Variants in ADNP2 observed in about 807,000 individuals in gnomAD.
The protein encoded by ADNP2 is activity-dependent neuroprotector homeobox protein 2.
ADNP2 carries 8 observed loss-of-function variants against 16.4 expected under a neutral mutation model. The ratio of observed to expected loss-of-function variants is 0.49; its 90% CI spans 0.29 to 0.88. ADNP2 has a LOEUF of 0.88. Among genes scored for constraint, ADNP2 ranks in the 40% least tolerant of loss-of-function variants. The probability of loss-of-function intolerance (pLI) is 0.09; values close to 1 mark genes in which losing one functional copy is unlikely to be tolerated. For synonymous variants in ADNP2, 637 were observed against 545.8 expected, an observed-to-expected ratio of 1.17 and a Z score of -2.33; for missense variants, 1,397 against 1,395.1, an observed-to-expected ratio of 1.00 and a Z score of -0.02.
intron 2 of ADNP2, among the ~76,000 whole-genome samples, chr18:80,120,884 G>C (rs1044670968): frequency 6.6e-6 from 1 of 152,068 alleles, no homozygotes; most frequent in Admixed American, 6.6e-5. Flanking sequence ...CGATCTGTTG[G>C]TGGACACTTG....
intron 1 of ADNP2, among the ~76,000 whole-genome samples, chr18:80,112,861 T>G (rs1458329691): frequency 6.6e-6 from 1 of 152,232 alleles, no homozygotes; most frequent in East Asian, 1.9e-4. Context: ...GCAGTAAATT[T>G]AGCTTCCCTG....
At chr18:80,124,554 A>G (rs1436801397) in intron 2 of ADNP2, among the ~76,000 whole-genome samples, 2 of 152,234 alleles carry the variant, frequency 1.3e-5, no homozygotes, top group Admixed American at 6.5e-5. Flanking sequence ...TCAACCCTCC[A>G]GGAACCTCCA....
chr18:80,129,915 G>C (rs1308343450), intron 2 of ADNP2, among the ~76,000 whole-genome samples: 4 of 152,170 alleles, frequency 2.6e-5, no homozygotes, highest in African/African-American at 9.7e-5. Context: ...GTAAACTCTT[G>C]TTTTACTCAG....
chr18:80,135,134 G>A (rs888208545), intron 3 of ADNP2, among the ~76,000 whole-genome samples: 1 of 152,156 alleles, frequency 6.6e-6, no homozygotes, highest in Non-Finnish European at 1.5e-5. Flanking sequence ...TTATATTTGT[G>A]GTTTTAGTGG....
chr18:80,111,726 G>T (rs2052358653), intron 1 of ADNP2, among the ~76,000 whole-genome samples: 1 of 151,926 alleles, frequency 6.6e-6, no homozygotes, highest in Admixed American at 6.6e-5. Flanking sequence ...GTAATTTTTA[G>T]TAGAGACAGG....
At chr18:80,119,915 C>T (rs953352889) in intron 2 of ADNP2, among the ~76,000 whole-genome samples, 3 of 152,192 alleles carry the variant, frequency 2.0e-5, no homozygotes, top group Admixed American at 2.0e-4. Flanking sequence ...CCACCTCCCC[C>T]CCAACCCCCA....
At chr18:80,111,829 G>A (rs1020560100) in intron 1 of ADNP2, among the ~76,000 whole-genome samples, 4 of 152,084 alleles carry the variant, frequency 2.6e-5, no homozygotes, top group Non-Finnish European at 5.9e-5. Context: ...ACAGGTGTGA[G>A]CCGTTGCACC....
chr18:80,126,154 C>T (rs1192337542), intron 2 of ADNP2, among the ~76,000 whole-genome samples: 1 of 151,984 alleles, frequency 6.6e-6, no homozygotes, highest in East Asian at 1.9e-4. Flanking sequence ...GGCTTATTAG[C>T]TATACATCTT....
chr18:80,129,699 A>G (rs940825578), intron 2 of ADNP2, among the ~76,000 whole-genome samples: 5 of 152,210 alleles, frequency 3.3e-5, no homozygotes, highest in Non-Finnish European at 7.3e-5. Flanking sequence ...GTGTCACTTC[A>G]GGGACCCCAG....
Position 80,137,558 on chromosome 18 carries a change from G to A in ADNP2, c.2145G>A (p.Ala715=), listed in dbSNP as rs117499189. The A allele has an allele frequency of 3.5e-4, 558 of 1,614,244 alleles. 7 individuals are homozygous for A. The East Asian group carries it at 8.5e-3, about 25-fold the overall frequency. The change falls in exon 4 of 4, where the codon GCG becomes GCA. Residue 715 remains alanine (A), a synonymous_variant. Coordinates refer to ENST00000262198, the MANE Select transcript of ADNP2 (RefSeq NM_014913.4). The surrounding 1 kb of genome is among the most constrained non-coding windows in gnomAD (Gnocchi z 4.2). ...TCTACCAGGTCCACATGGAGGTAGC[G>A]CATAAGCACAGCGAGTCCAAGTCTG... ...SNVYQVHMEV[A]HKHSESKSGE...
rs374826932 is a variant in ADNP2, at chr18:80,137,444, C to T, written c.2031C>T (p.Ser677=). The part of the protein sequence containing the change: ...NAAQSVFVQA[S]SSAADTNQVL... ...CTCAGAGCGTGTTTGTTCAGGCCTCCTCCTCTGCAGCAGACACAAACCAGG... is the reference window on the plus strand; with the variant it reads ...CTCAGAGCGTGTTTGTTCAGGCCTCTTCCTCTGCAGCAGACACAAACCAGG... The change falls in exon 4 of 4, where the codon TCC becomes TCT. Residue 677 remains serine, a synonymous_variant. Transcript: ENST00000262198. The surrounding 1 kb of genome is among the most constrained non-coding windows in gnomAD (Gnocchi z 4.2). The T allele has an allele frequency of 2.7e-5, 43 of 1,614,098 alleles. No homozygotes were observed. Among genetic ancestry groups the T allele is most frequent in the Middle Eastern group, 1.6e-4 (1 of 6,084 alleles).
Position 80,135,724 on chromosome 18 carries a change from T to C in ADNP2, c.311T>C (p.Leu104Pro). The change falls in exon 4 of 4, where the codon CTG becomes CCG. Residue 104 changes from leucine (L) to proline (P), a missense_variant. Physicochemically the swap from Leu to Pro is moderately conservative, Grantham distance 98. Around this residue, in one of 3 missense-constraint regions of ADNP2, gnomAD observed 777 missense variants for 719.4 expected, o/e 1.08. Coordinates refer to ENST00000262198, the MANE Select transcript of ADNP2 (RefSeq NM_014913.4). ...RYHEDEIDQE[L>P]VIPCPNCVFA... is the part of the protein sequence containing the mutation. ...CATGAAGATGAAATTGACCAAGAGC[T>C]GGTGATCCCTTGCCCAAACTGTGTA... 3 of 1,614,216 alleles carry C rather than the reference T, an allele frequency of 1.9e-6. No individual in the cohort carries two copies. The highest frequency in any genetic ancestry group is 1.1e-5 in the South Asian group (1 of 91,082).
chr18:80,136,844 T>C lies in ADNP2; in HGVS notation c.1431T>C (p.Pro477=). 6.2e-7 allele frequency: 1 copy of C among 1,614,046 alleles called. No individual in the cohort carries two copies. Among genetic ancestry groups the C allele is most frequent in the Non-Finnish European group, 8.5e-7 (1 of 1,179,980 alleles). The change falls in exon 4 of 4, where the codon CCT becomes CCC. Residue 477 remains proline (P), a synonymous_variant. Transcript: ENST00000262198. ...PGQTATSGVL[P]TGQMVQSGVL... ...AAACAGCAACTTCTGGGGTTCTTCCTACTGGCCAGATGGTCCAGTCAGGAG... is the reference window on the plus strand; with the variant it reads ...AAACAGCAACTTCTGGGGTTCTTCCCACTGGCCAGATGGTCCAGTCAGGAG...
chr18:80,136,887 A>G lies in ADNP2; in HGVS notation c.1474A>G (p.Thr492Ala). ...VQSGVLPVGQ[T>A]APSRVLPPGQ... Reference sequence around the variant, plus strand: ...GTCAGGAGTTCTCCCTGTGGGCCAGACAGCTCCGTCACGGGTTCTTCCCCC... The same window carrying G: ...GTCAGGAGTTCTCCCTGTGGGCCAGGCAGCTCCGTCACGGGTTCTTCCCCC... The change falls in exon 4 of 4, where the codon ACA (threonine) becomes GCA (alanine). Residue 492 changes from threonine to alanine, a missense_variant. Thr to Ala is a moderately conservative substitution (Grantham distance 58). Around this residue, in one of 3 missense-constraint regions of ADNP2, gnomAD observed 777 missense variants for 719.4 expected, o/e 1.08. Coordinates refer to ENST00000262198, the MANE Select transcript of ADNP2 (RefSeq NM_014913.4). The G allele has an allele frequency of 1.2e-6, 2 of 1,613,888 alleles. No homozygotes were observed. Among genetic ancestry groups the G allele is most frequent in the Non-Finnish European group, 1.7e-6 (2 of 1,179,920 alleles).
At chr18:80,119,684 C>G (rs2052412270) in intron 2 of ADNP2, among the ~76,000 whole-genome samples, 1 of 152,236 alleles carries the variant, frequency 6.6e-6, no homozygotes. Flanking sequence ...TTCCACGAAT[C>G]TAATATTTTC....
intron 2 of ADNP2, among the ~76,000 whole-genome samples, chr18:80,125,439 C>A (rs111288310): frequency 6.6e-6 from 1 of 152,078 alleles, no homozygotes; most frequent in African/African-American, 2.4e-5. Context: ...GTCAGGAGAT[C>A]GAGACCATTC....
rs1415781585 is a variant in ADNP2, at chr18:80,117,585, G to A, written c.43G>A (p.Val15Met). 1 of 1,603,550 alleles carries A rather than the reference G, an allele frequency of 6.2e-7. No homozygotes were observed. The highest frequency in any genetic ancestry group is 8.5e-7 in the Non-Finnish European group (1 of 1,177,226). The change falls in exon 2 of 4, where the codon GTG becomes ATG. Residue 15 changes from valine (V) to methionine (M), a missense_variant. Transcript: ENST00000262198. ...PVENLDNIRK[V>M]RKKVKGILVD... Reference sequence around the variant, plus strand: ...GGAAAATCTTGACAACATCAGAAAGGTGCGAAAAAAGGTGAAAGGTATTCT... The same window carrying A: ...GGAAAATCTTGACAACATCAGAAAGATGCGAAAAAAGGTGAAAGGTATTCT...
intron 2 of ADNP2, among the ~76,000 whole-genome samples, chr18:80,119,459 T>C (rs1279257395): frequency 1.3e-5 from 2 of 150,338 alleles, no homozygotes; most frequent in African/African-American, 2.5e-5. Flanking sequence ...GAACCAACCC[T>C]GTAGAGAGAA....
chr18:80,128,563 T>C (rs1307969984), intron 2 of ADNP2, among the ~76,000 whole-genome samples: 1 of 152,080 alleles, frequency 6.6e-6, no homozygotes, highest in South Asian at 2.1e-4. Flanking sequence ...GGCAGGAGAA[T>C]TGGTTGAACA....
Sources: allele counts gnomAD v4.1 joint callset (sites outside exome capture counted in the v4.1 genomes callset), GRCh38; gene constraint gnomAD v4.1.1; regional missense constraint gnomAD v4.1.1; non-coding constraint Gnocchi (gnomAD v3.1); transcripts MANE v1.5; gene names NCBI Gene and HGNC (gene_info 2026-07-23, HGNC 2026-07-21).